THBS4: variants seen among roughly 807,000 people sequenced by gnomAD.
THBS4 encodes thrombospondin 4, also known as thrombospondin-4.
Under a neutral mutation model 115.7 loss-of-function variants are expected in THBS4, and 90 were observed. The observed-to-expected ratio is 0.78, with a 90% CI of 0.66 to 0.93. The LOEUF (loss-of-function observed/expected upper bound fraction) is 0.93, where lower values mean the gene tolerates loss of function less well. THBS4 is among the 40% of genes least tolerant of loss of function. The pLI, the probability that THBS4 is intolerant of heterozygous loss-of-function variation, is 0.00. For missense variants in THBS4, 1,087 were observed against 1,232.7 expected (o/e 0.88, Z 1.77); for synonymous variants, 460 against 479.3 (o/e 0.96, Z 0.53).
At chr5:80,006,749 G>A (rs367855476) in intron 2 of THBS4, among the ~76,000 whole-genome samples, 1 of 152,144 alleles carries the variant, frequency 6.6e-6, no homozygotes, top group Non-Finnish European at 1.5e-5. Context: ...TAGAATAAAG[G>A]GGGCAGGGTG....
intron 2 of THBS4, among the ~76,000 whole-genome samples, chr5:80,045,341 A>T (rs781765746): frequency 6.6e-6 from 1 of 152,164 alleles, no homozygotes; most frequent in Non-Finnish European, 1.5e-5. Context: ...ATGACCAGAG[A>T]GTGTCAGTGA....
chr5:79,992,161 G>A (rs562584635), intron 1 of THBS4, among the ~76,000 whole-genome samples: 6 of 152,270 alleles, frequency 3.9e-5, no homozygotes, highest in African/African-American at 7.2e-5. Flanking sequence ...GTTTCTTGAC[G>A]TTAAACCTGA....
At chr5:80,012,917 G>A (rs1198846715) in intron 2 of THBS4, among the ~76,000 whole-genome samples, 3 of 152,086 alleles carry the variant, frequency 2.0e-5, no homozygotes, top group East Asian at 1.9e-4. Context: ...ACTTGGCCCC[G>A]TCTTGGGACT....
Position 80,025,546 on chromosome 5 carries a change from G to A in THBS4, n.178-14531G>A, listed in dbSNP as rs1832459171. Reference sequence around the variant, plus strand: ...TGAAGTACCTGGCCCCACTGGAAAGGCACTAGAAAATGAGCTCTTACTTTG... The same window carrying A: ...TGAAGTACCTGGCCCCACTGGAAAGACACTAGAAAATGAGCTCTTACTTTG... On this transcript the variant is annotated intron_variant and non_coding_transcript_variant, in intron 2 of 3. Coordinates refer to the THBS4 transcript ENST00000510218. Among the ~76,000 whole-genome samples the A allele has an allele frequency of 2.6e-5, 4 of 152,252 alleles. No individual in the cohort carries two copies. In the South Asian group the frequency reaches 8.3e-4, roughly 32 times the overall value.
chr5:80,008,072 C>T (rs928788100), intron 2 of THBS4, among the ~76,000 whole-genome samples: 4 of 152,036 alleles, frequency 2.6e-5, no homozygotes, highest in African/African-American at 9.7e-5. Flanking sequence ...CACATCATGT[C>T]GGTGTCAATG....
At chr5:80,041,369 A>T (rs1832896263) in intron 2 of THBS4, among the ~76,000 whole-genome samples, 1 of 152,132 alleles carries the variant, frequency 6.6e-6, no homozygotes, top group African/African-American at 2.4e-5. Context: ...GGAGATTAGG[A>T]GTTCAGTATA....
At position 80,082,471 on chromosome 5, in the gene THBS4, G is replaced by GT; in HGVS notation, c.2751dup (p.Gly918TrpfsTer25). 1 of 1,614,230 alleles carries GT rather than the reference G, an allele frequency of 6.2e-7. No individual in the cohort carries two copies. Among genetic ancestry groups the GT allele is most frequent in the Non-Finnish European group, 8.5e-7 (1 of 1,180,048 alleles). ...GGCGTCACCATAGACACCACAATGC[G>GT]TGGAGGCCGACTTGGCGTTTTCTGC... On this transcript the variant is annotated frameshift_variant, in exon 21 of 22. Transcript: ENST00000350881. LOFTEE classifies it high-confidence loss of function.
At chr5:80,031,153 C>T (rs1832580845), upstream of THBS4, among the ~76,000 whole-genome samples, 1 of 152,254 alleles carries the variant, frequency 6.6e-6, no homozygotes, top group East Asian at 1.9e-4. Flanking sequence ...GTAAGATGGG[C>T]TTCCAAGCTG....
chr5:80,062,210 C>T (rs2112106268), intron 8 of THBS4, among the ~76,000 whole-genome samples: 1 of 152,226 alleles, frequency 6.6e-6, no homozygotes, highest in Middle Eastern at 3.4e-3. Context: ...GTCATTGTTG[C>T]CAATCGAAGC....
chr5:80,003,480 TG>T (rs1484088475), intron 2 of THBS4, among the ~76,000 whole-genome samples: 2 of 152,150 alleles, frequency 1.3e-5, no homozygotes, highest in African/African-American at 2.4e-5. Flanking sequence ...TTACCCTGAT[TG>T]AGTAGCTCTC....
At chr5:80,054,598 C>T (rs564346608) in intron 2 of THBS4, among the ~76,000 whole-genome samples, 2 of 152,216 alleles carry the variant, frequency 1.3e-5, no homozygotes, top group Non-Finnish European at 1.5e-5. Context: ...GGATTACAGG[C>T]GTGAGCCACT....
chr5:80,023,790 G>A (rs1004354649), intron 2 of THBS4, among the ~76,000 whole-genome samples: 11 of 152,192 alleles, frequency 7.2e-5, no homozygotes, highest in African/African-American at 2.7e-4. Context: ...CAAAAGGGGA[G>A]CTGGTGTGTG....
At chr5:80,004,625 C>A (rs887816724) in intron 2 of THBS4, among the ~76,000 whole-genome samples, 1 of 152,188 alleles carries the variant, frequency 6.6e-6, no homozygotes, top group Non-Finnish European at 1.5e-5. Flanking sequence ...TTATTTAGCT[C>A]TTATTATTCT....
intron 2 of THBS4, among the ~76,000 whole-genome samples, chr5:80,009,996 A>G (rs1210873818): frequency 6.6e-6 from 1 of 152,086 alleles, no homozygotes; most frequent in African/African-American, 2.4e-5. Flanking sequence ...AAAAAAAATT[A>G]GCTGGATGTG....
At chr5:80,067,939 T>A (rs1833891907) in intron 9 of THBS4, 34 bp from the exon 10 acceptor site, 3 of 1,610,254 alleles carry the variant, frequency 1.9e-6, no homozygotes, top group Non-Finnish European at 2.5e-6. Context: ...TGCCCACAGC[T>A]TTCAGCTCAT....
chr5:80,070,340 G>A lies in THBS4; in HGVS notation c.1382G>A (p.Cys461Tyr), dbSNP rs1160843523. 1.2e-6 allele frequency: 2 copies of A among 1,606,624 alleles called. No homozygotes were observed. The highest frequency in any genetic ancestry group is 2.7e-5 in the African/African-American group (2 of 74,770). The part of the protein sequence containing the change: ...GVGWAGDGYI[C>Y]GKDVDIDSYP... The stretch of plus-strand genomic sequence containing the variant: ...GGTTGGGCTGGAGATGGCTATATCT[G>A]TGGAAAGGATGTGGACATCGACAGT... The change falls in exon 11 of 22, where the codon TGT becomes TAT. Residue 461 changes from cysteine to tyrosine, a missense_variant. Physicochemically the swap from Cys to Tyr is radical, Grantham distance 194. Transcript: ENST00000350881.
chr5:80,035,527 G>T lies in THBS4; in HGVS notation c.-11G>T, dbSNP rs1003520999. 1.5e-6 allele frequency: 2 copies of T among 1,363,806 alleles called. No individual in the cohort carries two copies. Among genetic ancestry groups the T allele is most frequent in the African/African-American group, 1.5e-5 (1 of 66,600 alleles). 84.5% of individuals were successfully genotyped at this position (1,363,806 alleles called of 1,614,324 possible). A position where few individuals can be genotyped will look rare whatever the true frequency, so the allele number is the denominator to read the frequency against. ...TCGCCCCCGGCCTCGCGGGGAGCAGGAAGAGCCAACATGCTGGCCCCGCGC... is the reference window on the plus strand; with the variant it reads ...TCGCCCCCGGCCTCGCGGGGAGCAGTAAGAGCCAACATGCTGGCCCCGCGC... On this transcript the variant is annotated 5_prime_UTR_variant, in exon 1 of 22. Coordinates refer to ENST00000350881, the MANE Select transcript of THBS4 (RefSeq NM_003248.6). This position sits in a 1 kb window ranked among gnomAD's most constrained non-coding sequence, Gnocchi z 4.6.
At chr5:80,067,120 T>C (rs1279310682) in intron 9 of THBS4, 1 of 151,924 alleles carries the variant, frequency 6.6e-6, no homozygotes, top group African/African-American at 2.4e-5. Context: ...TTAATAATAC[T>C]ATATTATATA....
intron 16 of THBS4, among the ~76,000 whole-genome samples, chr5:80,077,339 G>A (rs1040701135): frequency 1.3e-5 from 2 of 152,300 alleles, no homozygotes; most frequent in Middle Eastern, 3.4e-3. Context: ...GTCCCCAAAG[G>A]GCTTGGAGAG....
Sources: allele counts gnomAD v4.1 joint callset (sites outside exome capture counted in the v4.1 genomes callset), GRCh38; gene constraint gnomAD v4.1.1; non-coding constraint Gnocchi (gnomAD v3.1); transcripts MANE v1.5; gene names NCBI Gene and HGNC (gene_info 2026-07-23, HGNC 2026-07-21).